DHX35: variants seen among roughly 807,000 people sequenced by gnomAD.
The protein encoded by DHX35 is probable ATP-dependent RNA helicase DHX35.
In DHX35, 84 loss-of-function variants were observed where a neutral mutation model predicts 99.6. That is an observed-to-expected ratio of 0.84 (90% CI 0.71 to 1.01). The LOEUF (loss-of-function observed/expected upper bound fraction) is 1.01. Ranked by LOEUF, DHX35 falls within the 50% of genes least tolerant of loss-of-function variation. The pLI, the probability that DHX35 is intolerant of heterozygous loss-of-function variation, is 0.00. For missense variants in DHX35, 852 were observed against 888.5 expected, an observed-to-expected ratio of 0.96 and a Z score of 0.52; for synonymous variants, 331 against 316.2, an observed-to-expected ratio of 1.05 and a Z score of -0.50.
rs1417448911 is a variant in DHX35, at chr20:38,988,979, A to G, written c.450+62A>G. 13 of 1,584,256 alleles carry G rather than the reference A, an allele frequency of 8.2e-6. No homozygotes were observed. In the African/African-American group the frequency reaches 1.6e-4, roughly 20 times the overall value. ...GGAAGAAGGTTATTTTGGGAGAATTAAAAACATGTAGTCCTTGCTGCTGTA... is the reference window on the plus strand; with the variant it reads ...GGAAGAAGGTTATTTTGGGAGAATTGAAAACATGTAGTCCTTGCTGCTGTA... On this transcript the variant is annotated intron_variant, in intron 5 of 21. Transcript: ENST00000252011.
At chr20:39,011,462 A>G (rs1028391313) in intron 13 of DHX35, among the ~76,000 whole-genome samples, 4 of 152,002 alleles carry the variant, frequency 2.6e-5, no homozygotes, top group Non-Finnish European at 5.9e-5. Context: ...CAGCCTCTTG[A>G]GTGGCTGGGA....
intron 8 of DHX35, among the ~76,000 whole-genome samples, chr20:38,999,322 G>A (rs1414847191): frequency 6.6e-6 from 1 of 151,786 alleles, no homozygotes; most frequent in Admixed American, 6.6e-5. Context: ...CTCCTTGTTG[G>A]CTTCCTCTTG....
At chr20:39,021,366 C>T (rs2086869368) in intron 15 of DHX35, among the ~76,000 whole-genome samples, 1 of 152,302 alleles carries the variant, frequency 6.6e-6, no homozygotes, top group Non-Finnish European at 1.5e-5. Flanking sequence ...GTCAGAGTCC[C>T]CTATATTTCA....
chr20:39,026,811 C>A (rs149638146), intron 18 of DHX35, among the ~76,000 whole-genome samples: 1 of 152,100 alleles, frequency 6.6e-6, no homozygotes, highest in African/African-American at 2.4e-5. Flanking sequence ...ATGTTGGAGT[C>A]ATTGATAGAA....
Position 39,002,860 on chromosome 20 carries a change from A to C in DHX35, c.844A>C (p.Thr282Pro). Residue 282 changes from threonine to proline, a missense_variant, in exon 10 of 22, where the codon ACT (threonine) becomes CCT (proline). By Grantham distance (38) the Thr-to-Pro change is conservative. Transcript: ENST00000252011. ...AGACGGAGACGTTTTAGCATTTCTT[A>C]CTGGCCAGGTAATGCCACTGTACTT... is the stretch of plus-strand genomic sequence containing the variant. ...EGDGDVLAFL[T>P]GQEEVETVVS... 1.2e-6 allele frequency: 2 copies of C among 1,614,044 alleles called. No individual in the cohort carries two copies. Among genetic ancestry groups the C allele is most frequent in the Non-Finnish European group, 1.7e-6 (2 of 1,179,898 alleles).
At chr20:38,965,581 G>A (rs2085898303) in intron 1 of DHX35, among the ~76,000 whole-genome samples, 1 of 152,140 alleles carries the variant, frequency 6.6e-6, no homozygotes, top group South Asian at 2.1e-4. Context: ...TTGTACTCAG[G>A]TCCACCTAAT....
Position 39,034,046 on chromosome 20 carries a change from C to T in DHX35, c.1956-160C>T, listed in dbSNP as rs2087102467. The T allele has an allele frequency of 4.9e-6, 3 of 610,756 alleles. No individual in the cohort carries two copies. The South Asian group carries it at 5.9e-5, about 12-fold the overall frequency. The allele number at this position is 610,756 out of a possible 1,614,324, so 37.8% of individuals were successfully genotyped here. ...ACACACCATTACCCAGCACTTAGGT[C>T]TTGAGGCTGTGGTGAGCAACATAAA... On this transcript the variant is annotated intron_variant, in intron 20 of 21. Transcript: ENST00000252011.
intron 7 of DHX35, 94 bp downstream of exon 7, chr20:38,992,519 C>A: frequency 8.5e-7 from 1 of 1,176,066 alleles, no homozygotes; most frequent in Non-Finnish European, 1.3e-6. Context: ...CAACAAAATA[C>A]CAAGGAAGAA....
At chr20:39,016,591 T>C (rs2086789148) in intron 14 of DHX35, among the ~76,000 whole-genome samples, 1 of 152,246 alleles carries the variant, frequency 6.6e-6, no homozygotes, top group South Asian at 2.1e-4. Flanking sequence ...TAAATAATGC[T>C]GCTATAAATA....
chr20:39,001,240 C>T (rs146875662), intron 8 of DHX35, among the ~76,000 whole-genome samples: 34 of 152,226 alleles, frequency 2.2e-4, no homozygotes, highest in African/African-American at 8.2e-4. Context: ...CATCAAGTGG[C>T]CTAAAACCAG....
intron 3 of DHX35, among the ~76,000 whole-genome samples, chr20:38,980,511 G>GTTTTTTTTTTTTTTTTT (rs397953645): frequency 2.2e-5 from 3 of 136,994 alleles, no homozygotes; most frequent in African/African-American, 5.4e-5. Context: ...TTATAGTTCT[G>GTTTTTTTTTTTTTTTTT]TTTTTTTTTT....
intron 18 of DHX35, among the ~76,000 whole-genome samples, chr20:39,026,318 G>A (rs991333021): frequency 6.6e-6 from 1 of 152,180 alleles, no homozygotes; most frequent in Admixed American, 6.5e-5. Context: ...TACACAGTGA[G>A]GGTATGATGG....
Position 39,003,717 on chromosome 20 carries a change from G to A in DHX35, c.853-32G>A, listed in dbSNP as rs772292466. 2.8e-5 allele frequency: 45 copies of A among 1,588,706 alleles called. 1 individual carries two copies. Among genetic ancestry groups the A allele is most frequent in the South Asian group, 2.0e-4 (18 of 89,204 alleles). On this transcript the variant is annotated intron_variant, in intron 10 of 21. Coordinates refer to ENST00000252011, the MANE Select transcript of DHX35 (RefSeq NM_021931.4). ...AAATAGCATGCTTTAAATTGATCTCGGTTTCTTTGGTTCCTGGTTCAACGT... is the reference window on the plus strand; with the variant it reads ...AAATAGCATGCTTTAAATTGATCTCAGTTTCTTTGGTTCCTGGTTCAACGT...
chr20:38,991,648 T>C, intron 6 of DHX35, 133 bp downstream of exon 6: 1 of 674,556 alleles, frequency 1.5e-6, no homozygotes, highest in Non-Finnish European at 2.4e-6. Flanking sequence ...ACCTTGGCTG[T>C]TGGGACCCTT....
chr20:39,036,680 C>T (rs915907021), intron 21 of DHX35, among the ~76,000 whole-genome samples: 9 of 129,092 alleles, frequency 7.0e-5, no homozygotes, highest in Admixed American at 6.3e-4. Flanking sequence ...GAGCCGAGAT[C>T]ACACCACTGC....
chr20:39,028,286 AT>A, intron 18 of DHX35, 131 bp from the exon 19 acceptor site: 1 of 851,908 alleles, frequency 1.2e-6, no homozygotes. Context: ...GGCTGGAGCC[AT>A]TTCAGGAGAG....
At chr20:39,020,656 C>CTTTGTTTT (rs2086859366) in intron 15 of DHX35, among the ~76,000 whole-genome samples, 1 of 105,218 alleles carries the variant, frequency 9.5e-6, no homozygotes, top group Admixed American at 1.1e-4. Flanking sequence ...AAACAGGATT[C>CTTTGTTTT]TTTTTTTTTT....
At chr20:38,983,822 A>G (rs757960941) in intron 4 of DHX35, 46 bp downstream of exon 4, 1 of 1,530,870 alleles carries the variant, frequency 6.5e-7, no homozygotes. Context: ...TGTTGTCTAC[A>G]TTTGTGATTT....
At position 38,969,172 on chromosome 20, in the gene DHX35, C is replaced by G. The variant is rs563952535; in HGVS notation, c.132C>G (p.Ala44=). The G allele has an allele frequency of 6.2e-7, 1 of 1,613,282 alleles. No individual in the cohort carries two copies. The highest frequency in any genetic ancestry group is 8.5e-7 in the Non-Finnish European group (1 of 1,179,554). ...GTTVVYNPYA[A]LSIEQQRQKL... The stretch of plus-strand genomic sequence containing the variant: ...CGGTTGTTTACAACCCTTATGCTGC[C>G]CTTTCCATAGAGCAGCAGAGGCAGA... Residue 44 remains alanine, a synonymous_variant, in exon 2 of 22, where the codon GCC becomes GCG. Coordinates refer to ENST00000252011, the MANE Select transcript of DHX35 (RefSeq NM_021931.4).
Sources: gnomAD v4.1 joint callset for allele counts (sites outside exome capture counted in the v4.1 genomes callset) on GRCh38, gnomAD v4.1.1 for gene constraint, MANE v1.5 for transcripts, NCBI Gene and HGNC (gene_info 2026-07-23, HGNC 2026-07-21) for gene names.